PIK3C2G: variants seen among roughly 807,000 people sequenced by gnomAD.
PIK3C2G encodes phosphatidylinositol-4-phosphate 3-kinase catalytic subunit type 2 gamma, also known as phosphatidylinositol 3-kinase C2 domain-containing subunit gamma.
Under a neutral mutation model 181.1 loss-of-function variants are expected in PIK3C2G, and 168 were observed. That is an observed-to-expected ratio of 0.93 (90% CI 0.82 to 1.05). PIK3C2G has a LOEUF of 1.05. PIK3C2G is among the 50% of genes least tolerant of loss of function. The pLI, the probability that PIK3C2G is intolerant of heterozygous loss-of-function variation, is 0.00. For synonymous variants in PIK3C2G, 573 were observed against 592.2 expected (o/e 0.97, Z 0.47); for missense variants, 1,869 against 1,732.8 (o/e 1.08, Z -1.40).
the PIK3C2G span, among the ~76,000 whole-genome samples, chr12:18,659,386 A>G: frequency 7.4e-3 from 1,134 of 152,252 alleles, 13 homozygotes; most frequent in African/African-American, 0.026. Flanking sequence ...TTTGTTCCCT[A>G]AATCACTTGG....
chr12:18,429,877 C>T lies in PIK3C2G; in HGVS notation c.2504+5838C>T, dbSNP rs1006686085. 1.1e-4 allele frequency among the ~76,000 whole-genome samples: 17 copies of T among 152,306 alleles called. 1 individual carries two copies. Among genetic ancestry groups the T allele is most frequent in the Non-Finnish European group, 1.6e-4 (11 of 68,032 alleles). ...TGCTGCAGTGACTGCTAACAAAATACGGCCCCTTCTCTGGAGAATTAGCCT... is the reference window on the plus strand; with the variant it reads ...TGCTGCAGTGACTGCTAACAAAATATGGCCCCTTCTCTGGAGAATTAGCCT... On this transcript the variant is annotated intron_variant, in intron 18 of 32. Transcript: ENST00000538779.
chr12:18,372,790 T>C (rs1166934910), intron 13 of PIK3C2G: 1 of 152,234 alleles, frequency 6.6e-6, no homozygotes. Context: ...TCCAGATGGT[T>C]ACGATAGTAA....
intron 15 of PIK3C2G, among the ~76,000 whole-genome samples, chr12:18,398,207 G>T (rs958604146): frequency 6.6e-6 from 1 of 152,024 alleles, no homozygotes; most frequent in Admixed American, 6.5e-5. Context: ...CTGAAGCTGC[G>T]GAATGTCCTT....
At chr12:18,476,480 T>G (rs1251640742) in intron 18 of PIK3C2G, among the ~76,000 whole-genome samples, 1 of 152,132 alleles carries the variant, frequency 6.6e-6, no homozygotes, top group Non-Finnish European at 1.5e-5. Flanking sequence ...TAGAATTAGA[T>G]TTCATTAGAC....
intron 5 of PIK3C2G, among the ~76,000 whole-genome samples, chr12:18,313,712 T>C (rs1950735314): frequency 6.6e-6 from 1 of 152,122 alleles, no homozygotes; most frequent in African/African-American, 2.4e-5. Context: ...TTAATGCACA[T>C]AAAAATTTCA....
chr12:18,474,933 C>A (rs571400552), intron 18 of PIK3C2G, among the ~76,000 whole-genome samples: 95 of 152,176 alleles, frequency 6.2e-4, no homozygotes, highest in Non-Finnish European at 6.5e-4. Context: ...GTTATCTGCC[C>A]TTTAAGCACT....
chr12:18,250,269 GA>G (rs529293335), intron 1 of PIK3C2G, among the ~76,000 whole-genome samples: 21 of 151,500 alleles, frequency 1.4e-4, no homozygotes, highest in Non-Finnish European at 2.5e-4. Context: ...TGTACCAACA[GA>G]AAAAAAAGTG....
chr12:18,298,879 G>GT (rs373694347), intron 5 of PIK3C2G, among the ~76,000 whole-genome samples: 15 of 151,432 alleles, frequency 9.9e-5, no homozygotes, highest in African/African-American at 2.4e-4. Context: ...TTATTTTAGG[G>GT]TTTTTTTTAT....
intron 9 of PIK3C2G, among the ~76,000 whole-genome samples, chr12:18,340,285 TA>T (rs751018359): frequency 0.054 from 7,867 of 146,298 alleles, 549 homozygotes; most frequent in African/African-American, 0.16. Context: ...GCTGATAGGC[TA>T]AAAAAAAAAA....
chr12:18,494,076 T>C lies in PIK3C2G; in HGVS notation c.2794-1986T>C, dbSNP rs376381792. Among the ~76,000 whole-genome samples, 8 of 152,336 alleles carry C rather than the reference T, an allele frequency of 5.3e-5. No individual in the cohort carries two copies. The East Asian group carries it at 7.7e-4, about 15-fold the overall frequency. ...GATATCTGTCATTAATGTGTGCTTC[T>C]CAAGGACAGAGATCCTATCTTCCTT... On this transcript the variant is annotated intron_variant, in intron 20 of 32. Coordinates refer to ENST00000538779, the MANE Select transcript of PIK3C2G (RefSeq NM_001288772.2).
At chr12:18,380,943 T>C (rs555780786) in intron 13 of PIK3C2G, among the ~76,000 whole-genome samples, 1 of 152,372 alleles carries the variant, frequency 6.6e-6, no homozygotes, top group South Asian at 2.1e-4. Context: ...AAATTTAATT[T>C]TGTTGACTTT....
In PIK3C2G at chr12:18,423,944, G is replaced by T. The variant is rs1228927179; in HGVS notation, c.2410-1G>T. On this transcript the variant is annotated splice_acceptor_variant, in intron 17 of 32. Transcript: ENST00000538779. LOFTEE classifies it high-confidence loss of function. ...TAAAGTAATTGTGTCTCTTACTTCA[G>T]GCTGTCAAGTTTGAATGGAACCTTG... The T allele has an allele frequency of 6.3e-7, 1 of 1,596,834 alleles. No individual in the cohort carries two copies. The highest frequency in any genetic ancestry group is 8.6e-7 in the Non-Finnish European group (1 of 1,166,636).
intron 24 of PIK3C2G, among the ~76,000 whole-genome samples, chr12:18,523,616 A>G (rs1379702198): frequency 6.6e-6 from 1 of 152,238 alleles, no homozygotes. Flanking sequence ...TGCTCCCTCC[A>G]TGGGTAACTG....
At chr12:18,451,045 G>A (rs945296595) in intron 18 of PIK3C2G, among the ~76,000 whole-genome samples, 2 of 152,130 alleles carry the variant, frequency 1.3e-5, no homozygotes, top group African/African-American at 4.8e-5. Flanking sequence ...GCTTAGGATT[G>A]TCTTGGTTAT....
chr12:18,482,197 G>A (rs1045964473), intron 18 of PIK3C2G, among the ~76,000 whole-genome samples: 5 of 114,812 alleles, frequency 4.4e-5, no homozygotes, highest in Non-Finnish European at 8.2e-5. Flanking sequence ...TCCAATACTA[G>A]CCAAGATCTA....
chr12:18,527,679 G>A (rs368199632), intron 24 of PIK3C2G, among the ~76,000 whole-genome samples: 6 of 150,032 alleles, frequency 4.0e-5, no homozygotes, highest in Non-Finnish European at 4.5e-5. Context: ...CAACTTCAAA[G>A]AAAAAAAAAA....
chr12:18,669,302 A>G, the PIK3C2G span, among the ~76,000 whole-genome samples: 2 of 152,278 alleles, frequency 1.3e-5, no homozygotes, highest in East Asian at 3.9e-4. Context: ...TTCTCTTTCC[A>G]TTATATGTGT....
intron 5 of PIK3C2G, among the ~76,000 whole-genome samples, chr12:18,310,168 A>C (rs1176623931): frequency 6.6e-6 from 1 of 151,916 alleles, no homozygotes; most frequent in African/African-American, 2.4e-5. Flanking sequence ...ATGATTTTCC[A>C]TTCAAGTTTT....
chr12:18,691,306 G>T, the PIK3C2G span, among the ~76,000 whole-genome samples: 1 of 152,094 alleles, frequency 6.6e-6, no homozygotes, highest in African/African-American at 2.4e-5. Flanking sequence ...GGATGTTCAA[G>T]TTTTACTATT....
Sources: allele counts gnomAD v4.1 joint callset (sites outside exome capture counted in the v4.1 genomes callset), GRCh38; gene constraint gnomAD v4.1.1; transcripts MANE v1.5; gene names NCBI Gene and HGNC (gene_info 2026-07-23, HGNC 2026-07-21).